PIP4K2A: variants seen among roughly 807,000 people sequenced by gnomAD.
The protein encoded by PIP4K2A is phosphatidylinositol 5-phosphate 4-kinase type-2 alpha.
In PIP4K2A, 14 loss-of-function variants were observed where a neutral mutation model predicts 42.9. The ratio of observed to expected loss-of-function variants is 0.33; its 90% CI spans 0.22 to 0.51. The LOEUF (loss-of-function observed/expected upper bound fraction) is 0.51. PIP4K2A is among the 20% of genes least tolerant of loss of function. The pLI is 0.97. For missense variants in PIP4K2A, 434 were observed against 519.8 expected, an observed-to-expected ratio of 0.83 and a Z score of 1.61; for synonymous variants, 192 against 192.2, an observed-to-expected ratio of 1.00 and a Z score of 0.01.
At chr10:22,682,745 T>G (rs751661605) in intron 1 of PIP4K2A, among the ~76,000 whole-genome samples, 2 of 152,182 alleles carry the variant, frequency 1.3e-5, no homozygotes, top group Non-Finnish European at 2.9e-5. Context: ...AGTCTGAACT[T>G]GGCTCCTAGA....
At chr10:22,619,657 G>A (rs757953213) in intron 1 of PIP4K2A, among the ~76,000 whole-genome samples, 11 of 151,896 alleles carry the variant, frequency 7.2e-5, no homozygotes, top group Non-Finnish European at 1.5e-4. Flanking sequence ...GGCTGGTCTC[G>A]AACTCCTGAC....
At chr10:22,575,749 C>A (rs1837099827) in intron 4 of PIP4K2A, among the ~76,000 whole-genome samples, 1 of 151,964 alleles carries the variant, frequency 6.6e-6, no homozygotes, top group East Asian at 1.9e-4. Flanking sequence ...ATCAGCCTGG[C>A]CAAGATGGTG....
At chr10:22,539,303 G>C (rs560458067) in intron 9 of PIP4K2A, among the ~76,000 whole-genome samples, 53 of 152,196 alleles carry the variant, frequency 3.5e-4, no homozygotes, top group Non-Finnish European at 6.3e-4. Context: ...ACAAAAGCAG[G>C]TACACTACTA....
intron 1 of PIP4K2A, among the ~76,000 whole-genome samples, chr10:22,625,911 T>G (rs1422424103): frequency 6.6e-6 from 1 of 152,198 alleles, no homozygotes; most frequent in Non-Finnish European, 1.5e-5. Context: ...AAATGGCCTT[T>G]CTTATCTCTT....
At chr10:22,549,838 CAAAAAAAAAAAAAAAA>C (rs56349240) in intron 7 of PIP4K2A, among the ~76,000 whole-genome samples, 9 of 70,126 alleles carry the variant, frequency 1.3e-4, no homozygotes, top group Admixed American at 2.4e-4. Flanking sequence ...GAATCCATCT[CAAAAAAAAAAAAAAAA>C]AAAAAAAAAA....
chr10:22,542,931 G>A (rs999586934), intron 7 of PIP4K2A, among the ~76,000 whole-genome samples: 1 of 152,116 alleles, frequency 6.6e-6, no homozygotes, highest in African/African-American at 2.4e-5. Flanking sequence ...CTCCGACCTT[G>A]GGCTCAGGGT....
intron 2 of PIP4K2A, among the ~76,000 whole-genome samples, chr10:22,609,088 G>A (rs2559527): frequency 0.53 from 80,394 of 152,080 alleles, 23,245 homozygotes; most frequent in East Asian, 0.87. Context: ...GGGCAGGGCC[G>A]TGTCTTCTAT....
chr10:22,613,586 G>A (rs1838104908), intron 1 of PIP4K2A, among the ~76,000 whole-genome samples: 1 of 152,164 alleles, frequency 6.6e-6, no homozygotes, highest in Non-Finnish European at 1.5e-5. Context: ...GTGAGAAGCA[G>A]GCTGAGGACT....
chr10:22,677,027 C>T (rs908901592), intron 1 of PIP4K2A, among the ~76,000 whole-genome samples: 2 of 152,170 alleles, frequency 1.3e-5, no homozygotes, highest in African/African-American at 4.8e-5. Context: ...AATTACTTTC[C>T]TTATATTTCT....
chr10:22,609,794 GA>G (rs893396547), intron 1 of PIP4K2A, 77 bp from the exon 2 acceptor site: 46 of 808,644 alleles, frequency 5.7e-5, no homozygotes, highest in African/African-American at 3.0e-4. Flanking sequence ...TGTACCTTGG[GA>G]AAAAAAACAT....
At chr10:22,576,111 G>T (rs567900860) in intron 4 of PIP4K2A, among the ~76,000 whole-genome samples, 1 of 152,154 alleles carries the variant, frequency 6.6e-6, no homozygotes, top group African/African-American at 2.4e-5. Flanking sequence ...TATTAGATTC[G>T]AGTACTGCCA....
chr10:22,610,647 T>TC (rs1241936882), intron 1 of PIP4K2A, among the ~76,000 whole-genome samples: 1 of 152,066 alleles, frequency 6.6e-6, no homozygotes, highest in Non-Finnish European at 1.5e-5. Flanking sequence ...ACACCTTTCT[T>TC]CCCCCAAAGT....
chr10:22,674,209 T>TTG (rs1371609764), intron 1 of PIP4K2A, among the ~76,000 whole-genome samples: 1 of 152,160 alleles, frequency 6.6e-6, no homozygotes, highest in Non-Finnish European at 1.5e-5. Context: ...AGACACTGTC[T>TTG]TGTGCATGGT....
At chr10:22,577,344 A>G (rs1437001179) in intron 4 of PIP4K2A, among the ~76,000 whole-genome samples, 2 of 151,716 alleles carry the variant, frequency 1.3e-5, no homozygotes, top group East Asian at 1.9e-4. Context: ...GTGATCCCCA[A>G]TGTTGGAGGT....
intron 1 of PIP4K2A, among the ~76,000 whole-genome samples, chr10:22,647,841 G>T (rs143609593): frequency 2.0e-5 from 3 of 152,124 alleles, no homozygotes; most frequent in Non-Finnish European, 4.4e-5. Flanking sequence ...GATTTTACAC[G>T]GCAGAAAACT....
At chr10:22,698,449 A>C (rs1840012196) in intron 1 of PIP4K2A, among the ~76,000 whole-genome samples, 1 of 152,160 alleles carries the variant, frequency 6.6e-6, no homozygotes, top group South Asian at 2.1e-4. Flanking sequence ...TAAATTCCCC[A>C]AAAAGAGAAT....
At chr10:22,599,175 T>C (rs1197622496) in intron 3 of PIP4K2A, among the ~76,000 whole-genome samples, 2 of 152,226 alleles carry the variant, frequency 1.3e-5, no homozygotes, top group African/African-American at 4.8e-5. Flanking sequence ...GACTCACATA[T>C]CATATGACTC....
At position 22,692,788 on chromosome 10, in the gene PIP4K2A, C is replaced by A. The variant is rs1839899022; in HGVS notation, c.144+21395G>T. Among the ~76,000 whole-genome samples, 2 of 152,178 alleles carry A rather than the reference C, an allele frequency of 1.3e-5. 1 individual carries two copies. The highest frequency in any genetic ancestry group is 4.1e-4 in the South Asian group (2 of 4,830). ...GTACAAGGTCTTTACTACCTACATA[C>A]CAAGGTAACTATGGTATAGGAATCT... On this transcript the variant is annotated intron_variant, in intron 1 of 9. Transcript: ENST00000376573.
intron 1 of PIP4K2A, among the ~76,000 whole-genome samples, chr10:22,685,654 G>A (rs771870793): frequency 1.1e-4 from 17 of 152,192 alleles, no homozygotes; most frequent in Non-Finnish European, 1.9e-4. Flanking sequence ...CCAGGAGATT[G>A]AGGCTGTGGT....
Sources: allele counts gnomAD v4.1 joint callset (sites outside exome capture counted in the v4.1 genomes callset), GRCh38; gene constraint gnomAD v4.1.1; transcripts MANE v1.5; gene names NCBI Gene and HGNC (gene_info 2026-07-23, HGNC 2026-07-21).